Variants in GLI2 observed in about 807,000 individuals in gnomAD.
The protein encoded by GLI2 is GLI family zinc finger 2, also known as transcription activator GLI2.
Under a neutral mutation model 78.9 loss-of-function variants are expected in GLI2, and 22 were observed. The ratio of observed to expected loss-of-function variants is 0.28; its 90% confidence interval spans 0.20 to 0.40. The LOEUF is 0.40. Among genes scored for constraint, GLI2 ranks in the 10% least tolerant of loss-of-function variants. GLI2 has a pLI of 1.00. For missense variants in GLI2, 2,097 were observed against 2,213.2 expected (o/e 0.95, Z 1.05); for synonymous variants, 974 against 963.7 (o/e 1.01, Z -0.20).
intron 2 of GLI2, among the ~76,000 whole-genome samples, chr2:120,884,607 AG>A (rs1677305743): frequency 6.6e-6 from 1 of 152,024 alleles, no homozygotes; most frequent in Admixed American, 6.5e-5. Flanking sequence ...GCAGGCTGTG[AG>A]GTGTCACTTC....
intron 2 of GLI2, among the ~76,000 whole-genome samples, chr2:120,843,473 A>C (rs1457262439): frequency 1.3e-5 from 2 of 152,230 alleles, no homozygotes; most frequent in African/African-American, 4.8e-5. Context: ...AATAACCTCA[A>C]ATGAGATTAC....
At chr2:120,801,887 C>T (rs1169237357) in intron 2 of GLI2, among the ~76,000 whole-genome samples, 1 of 152,210 alleles carries the variant, frequency 6.6e-6, no homozygotes, top group African/African-American at 2.4e-5. Flanking sequence ...GCTTGGGGCT[C>T]CTGCCTCTCA....
chr2:120,983,066 A>G (rs1396420564), intron 11 of GLI2, among the ~76,000 whole-genome samples, 186 bp downstream of exon 11: 3 of 151,998 alleles, frequency 2.0e-5, no homozygotes, highest in Admixed American at 2.0e-4. Context: ...CTCTTTCTCT[A>G]TGCCACATCC....
At chr2:120,851,953 A>G (rs1687425747) in intron 2 of GLI2, among the ~76,000 whole-genome samples, 1 of 152,230 alleles carries the variant, frequency 6.6e-6, no homozygotes, top group Non-Finnish European at 1.5e-5. Context: ...GCAGGTTTGC[A>G]GAGAATACAA....
intron 2 of GLI2, among the ~76,000 whole-genome samples, chr2:120,895,702 C>CA (rs1453609668): frequency 2.0e-5 from 3 of 152,080 alleles, no homozygotes; most frequent in Non-Finnish European, 2.9e-5. Flanking sequence ...GACTCCGTCA[C>CA]AAAAAACAAG....
chr2:120,931,410 C>A (rs1679939180), intron 3 of GLI2, among the ~76,000 whole-genome samples: 1 of 152,206 alleles, frequency 6.6e-6, no homozygotes, highest in Admixed American at 6.5e-5. Context: ...CTGGGATAAT[C>A]CACTTGTGGC....
chr2:120,901,395 C>T (rs1051635588), intron 2 of GLI2, among the ~76,000 whole-genome samples: 1 of 152,218 alleles, frequency 6.6e-6, no homozygotes, highest in African/African-American at 2.4e-5. Context: ...CCTGGGGTGA[C>T]AGCGTCCTTG....
At chr2:120,883,326 A>T (rs544848101) in intron 2 of GLI2, among the ~76,000 whole-genome samples, 1 of 152,238 alleles carries the variant, frequency 6.6e-6, no homozygotes, top group African/African-American at 2.4e-5. Flanking sequence ...TCTCTATTTT[A>T]AAAAAGAAAA....
chr2:120,807,890 C>T (rs950389152), intron 2 of GLI2, among the ~76,000 whole-genome samples: 1 of 143,330 alleles, frequency 7.0e-6, no homozygotes, highest in African/African-American at 2.5e-5. Flanking sequence ...GAGCATCTGG[C>T]TTCTTCTCCT....
chr2:120,865,778 C>T (rs146760061), intron 2 of GLI2, among the ~76,000 whole-genome samples: 76 of 152,336 alleles, frequency 5.0e-4, no homozygotes, highest in African/African-American at 1.7e-3. Flanking sequence ...AGGGTATATG[C>T]GGTGCTCAGA....
At chr2:120,801,178 G>A (rs1358232021) in intron 2 of GLI2, among the ~76,000 whole-genome samples, 7 of 151,804 alleles carry the variant, frequency 4.6e-5, no homozygotes, top group African/African-American at 1.7e-4. Context: ...TCACTCTGTC[G>A]CCCAGGCTAG....
chr2:120,825,586 A>T (rs115079529), intron 2 of GLI2, among the ~76,000 whole-genome samples: 6,356 of 146,890 alleles, frequency 0.043, 447 homozygotes, highest in African/African-American at 0.15. Context: ...GTGGGTGTGC[A>T]CCTGGCTGTG....
At chr2:120,913,751 T>A (rs1678948725) in intron 2 of GLI2, among the ~76,000 whole-genome samples, 2 of 152,224 alleles carry the variant, frequency 1.3e-5, no homozygotes, top group African/African-American at 4.8e-5. Flanking sequence ...CGTTTGCTTG[T>A]CCAGGTGGCT....
intron 2 of GLI2, among the ~76,000 whole-genome samples, chr2:120,799,023 G>T (rs1450726154): frequency 6.6e-6 from 1 of 152,198 alleles, no homozygotes; most frequent in Non-Finnish European, 1.5e-5. Flanking sequence ...CCACCATGGT[G>T]CAATTTCCTG....
At chr2:120,807,042 T>C (rs1684989310) in intron 2 of GLI2, among the ~76,000 whole-genome samples, 1 of 152,160 alleles carries the variant, frequency 6.6e-6, no homozygotes, top group South Asian at 2.1e-4. Context: ...TGTACAGCCC[T>C]GTGACCTGGC....
chr2:120,799,909 G>A (rs775499912), intron 2 of GLI2, among the ~76,000 whole-genome samples: 6 of 152,330 alleles, frequency 3.9e-5, no homozygotes, highest in East Asian at 1.9e-4. Context: ...GGTGGTTGGC[G>A]TGGGTCCCCC....
At chr2:120,902,764 G>A (rs1678331049) in intron 2 of GLI2, among the ~76,000 whole-genome samples, 1 of 152,332 alleles carries the variant, frequency 6.6e-6, no homozygotes, top group South Asian at 2.1e-4. Context: ...TTTTATTAGA[G>A]GTTGGAGTTC....
intron 2 of GLI2, among the ~76,000 whole-genome samples, chr2:120,909,605 C>T (rs1678713346): frequency 6.6e-6 from 1 of 152,206 alleles, no homozygotes; most frequent in South Asian, 2.1e-4. Flanking sequence ...GTGGCTCACA[C>T]CTGTAATCCC....
rs571292346 is a variant in GLI2, at chr2:120,737,126, G to A, written c.-31+841G>A. On this transcript the variant is annotated intron_variant, in intron 1 of 13. Coordinates refer to ENST00000361492, the MANE Select transcript of GLI2 (RefSeq NM_001374353.1). This position sits in a 1 kb window ranked among gnomAD's most constrained non-coding sequence, Gnocchi z 4.3. ...GTATGTGATGGATGGGGAGAGGCGC[G>A]GAGAGAGTTGGGCGCCAATCCTATT... Among the ~76,000 whole-genome samples, 1 of 152,154 alleles carries A rather than the reference G, an allele frequency of 6.6e-6. No individual in the cohort carries two copies. Among genetic ancestry groups the A allele is most frequent in the African/African-American group, 2.4e-5 (1 of 41,432 alleles).
Sources: gnomAD v4.1 joint callset for allele counts (sites outside exome capture counted in the v4.1 genomes callset) on GRCh38, gnomAD v4.1.1 for gene constraint, Gnocchi (gnomAD v3.1) non-coding constraint, MANE v1.5 for transcripts, NCBI Gene and HGNC (gene_info 2026-07-23, HGNC 2026-07-21) for gene names.